The following ZPLD1 variants were observed in gnomAD, a reference collection of about 807,000 sequenced individuals.
The protein encoded by ZPLD1 is zona pellucida-like domain-containing protein 1.
A neutral mutation model predicts 47.2 loss-of-function variants in ZPLD1; 34 were observed. That is an observed-to-expected ratio of 0.72 (90% CI 0.55 to 0.96). The LOEUF is 0.96. Among genes scored for constraint, ZPLD1 ranks in the 40% least tolerant of loss-of-function variants. The pLI, the probability that ZPLD1 is intolerant of heterozygous loss-of-function variation, is 0.00. For missense variants in ZPLD1, 512 were observed against 505.8 expected, an observed-to-expected ratio of 1.01 and a Z score of -0.12; for synonymous variants, 176 against 186.2, an observed-to-expected ratio of 0.95 and a Z score of 0.45.
At chr3:102,386,286 T>G (rs1252931475) in intron 6 of ZPLD1, among the ~76,000 whole-genome samples, 1 of 149,028 alleles carries the variant, frequency 6.7e-6, no homozygotes, top group Non-Finnish European at 1.5e-5. Context: ...GTAAGTGGGG[T>G]CTTTTTTTTT....
At chr3:102,398,252 G>C (rs1332059367) in intron 7 of ZPLD1, among the ~76,000 whole-genome samples, 1 of 152,004 alleles carries the variant, frequency 6.6e-6, no homozygotes, top group East Asian at 1.9e-4. Context: ...GTGGGTTGCA[G>C]CTAGCTTTAA....
chr3:102,473,229 A>C (rs1707711402), intron 10 of ZPLD1, among the ~76,000 whole-genome samples: 1 of 152,048 alleles, frequency 6.6e-6, no homozygotes, highest in East Asian at 1.9e-4. Context: ...AATAATCTTT[A>C]AATATACAAA....
intron 3 of ZPLD1, among the ~76,000 whole-genome samples, chr3:102,450,508 GAAGA>G (rs1027784717): frequency 1.6e-4 from 25 of 152,218 alleles, no homozygotes; most frequent in African/African-American, 5.1e-4. Context: ...AAGATTCATA[GAAGA>G]GAGAGAGAGA....
chr3:102,412,001 G>A (rs535118507), intron 7 of ZPLD1, among the ~76,000 whole-genome samples: 1 of 151,720 alleles, frequency 6.6e-6, no homozygotes, highest in Non-Finnish European at 1.5e-5. Flanking sequence ...TCCAGTGAGG[G>A]GTTGATGTAT....
At chr3:102,397,414 C>A (rs16845010) in intron 7 of ZPLD1, among the ~76,000 whole-genome samples, 1,850 of 152,156 alleles carry the variant, frequency 0.012, 37 homozygotes, top group African/African-American at 0.042. Context: ...ATCTTTGCCA[C>A]TGAATGTTGC....
intron 7 of ZPLD1, among the ~76,000 whole-genome samples, chr3:102,417,161 G>A (rs1444186880): frequency 6.6e-6 from 1 of 151,964 alleles, no homozygotes; most frequent in African/African-American, 2.4e-5. Flanking sequence ...TTATAAAGGT[G>A]TAGGCCAGTG....
At chr3:102,405,802 G>A (rs1181282348) in intron 7 of ZPLD1, among the ~76,000 whole-genome samples, 1 of 151,894 alleles carries the variant, frequency 6.6e-6, no homozygotes, top group Non-Finnish European at 1.5e-5. Context: ...CTGGATTGGG[G>A]GTGAGATGGT....
At position 102,453,121 on chromosome 3, in the gene ZPLD1, C is replaced by T. The variant is rs1157484962; in HGVS notation, c.309C>T (p.Gly103=). The T allele has an allele frequency of 6.2e-7, 1 of 1,613,960 alleles. No individual in the cohort carries two copies. The highest frequency in any genetic ancestry group is 1.1e-5 in the South Asian group (1 of 91,080). The change falls in exon 4 of 12, where the codon GGC becomes GGT. Residue 103 remains glycine, a synonymous_variant. Transcript: ENST00000466937. ...IFIINLSTLE[G]CGNNLVVSTI... is the part of the protein sequence containing the mutation. ...TCATCAATCTCAGCACCTTGGAGGGCTGTGGAAACAACCTGGTGGTAAGAT... is the reference window on the plus strand; with the variant it reads ...TCATCAATCTCAGCACCTTGGAGGGTTGTGGAAACAACCTGGTGGTAAGAT...
At chr3:102,468,489 AAGAT>A in intron 8 of ZPLD1, among the ~76,000 whole-genome samples, 1 of 152,188 alleles carries the variant, frequency 6.6e-6, no homozygotes, top group Admixed American at 6.5e-5. Flanking sequence ...TTGATACGGA[AAGAT>A]CTCTAACACT....
At chr3:102,390,936 GA>G (rs34706457) in intron 6 of ZPLD1, among the ~76,000 whole-genome samples, 246 of 148,248 alleles carry the variant, frequency 1.7e-3, no homozygotes, top group African/African-American at 5.0e-3. Context: ...AGGCTCCCAA[GA>G]AAAAAAAAAT....
At chr3:102,445,663 A>G (rs1175139079) in intron 3 of ZPLD1, among the ~76,000 whole-genome samples, 1 of 152,232 alleles carries the variant, frequency 6.6e-6, no homozygotes, top group Non-Finnish European at 1.5e-5. Flanking sequence ...ACAGTAAAGT[A>G]TAAGAAGTGC....
At chr3:102,413,908 C>CT (rs962168319) in intron 7 of ZPLD1, among the ~76,000 whole-genome samples, 53 of 150,430 alleles carry the variant, frequency 3.5e-4, no homozygotes, top group African/African-American at 5.6e-4. Context: ...ACCTTGATTG[C>CT]TTTTTTTTTG....
chr3:102,432,304 A>G (rs75507311), upstream of ZPLD1, among the ~76,000 whole-genome samples: 2,931 of 152,308 alleles, frequency 0.019, 28 homozygotes, highest in South Asian at 0.033. Context: ...CAGTAAATGC[A>G]GTGGAGAGCC....
In ZPLD1 at chr3:102,443,831, G is replaced by A. The variant is rs577036001; in HGVS notation, c.106+5238G>A. Among the ~76,000 whole-genome samples, 8 of 152,298 alleles carry A rather than the reference G, an allele frequency of 5.3e-5. No individual in the cohort carries two copies. In the South Asian group the frequency reaches 1.7e-3, roughly 32 times the overall value. On this transcript the variant is annotated intron_variant, in intron 3 of 11. Coordinates refer to ENST00000466937, the MANE Select transcript of ZPLD1 (RefSeq NM_001329788.2). ...GTGGAATAGTTATCCCAGGGAATATGTTCTGGTTCTCTGTATAGAAAGGAA... is the reference window on the plus strand; with the variant it reads ...GTGGAATAGTTATCCCAGGGAATATATTCTGGTTCTCTGTATAGAAAGGAA...
chr3:102,439,232 A>G (rs1253147244), intron 3 of ZPLD1, among the ~76,000 whole-genome samples: 2 of 152,258 alleles, frequency 1.3e-5, no homozygotes, highest in Non-Finnish European at 2.9e-5. Context: ...AATAAATATT[A>G]GGTAATTGGA....
At chr3:102,435,637 AT>A (rs60085952) in intron 1 of ZPLD1, among the ~76,000 whole-genome samples, 33,980 of 117,156 alleles carry the variant, frequency 0.29, 5,140 homozygotes, top group African/African-American at 0.51. Context: ...CATCATCTTG[AT>A]TTTTTTTTTT....
intron 4 of ZPLD1, 48 bp from the exon 5 acceptor site, chr3:102,456,145 T>G: frequency 6.6e-7 from 1 of 1,509,156 alleles, no homozygotes; most frequent in Non-Finnish European, 9.0e-7. Flanking sequence ...AGTGCCTAGA[T>G]GTATATATAG....
upstream of ZPLD1, among the ~76,000 whole-genome samples, chr3:102,430,282 C>T (rs1226518821): frequency 6.6e-6 from 1 of 152,240 alleles, no homozygotes; most frequent in Non-Finnish European, 1.5e-5. Context: ...CTCAGTCCTT[C>T]AATACTTTTC....
intron 6 of ZPLD1, among the ~76,000 whole-genome samples, chr3:102,385,750 G>T (rs1383691060): frequency 6.6e-6 from 1 of 152,102 alleles, no homozygotes; most frequent in African/African-American, 2.4e-5. Flanking sequence ...CTTATTTCTT[G>T]GGACATCACT....
Sources: gnomAD v4.1 joint callset for allele counts (sites outside exome capture counted in the v4.1 genomes callset) on GRCh38, gnomAD v4.1.1 for gene constraint, MANE v1.5 for transcripts, NCBI Gene and HGNC (gene_info 2026-07-23, HGNC 2026-07-21) for gene names.